TMEM140: variants seen among roughly 807,000 people sequenced by gnomAD.
TMEM140 encodes the protein transmembrane protein 140.
For missense variants in TMEM140, 236 were observed against 228.5 expected (o/e 1.03, Z -0.21); for synonymous variants, 107 against 106.8 (o/e 1.00, Z -0.01).
Position 135,164,418 on chromosome 7 carries a change from G to A in TMEM140, c.-24G>A. On this transcript the variant is annotated splice_region_variant and 5_prime_UTR_variant, in exon 2 of 2. Coordinates refer to ENST00000275767, the MANE Select transcript of TMEM140 (RefSeq NM_018295.5). ...ACTGACTGCTGTGACTTCCCCGCAG[G>A]TCCCCCGGCAGAGGGCAGTAGAGAT... 1 of 1,583,758 alleles carries A rather than the reference G, an allele frequency of 6.3e-7. No individual in the cohort carries two copies. The highest frequency in any genetic ancestry group is 8.6e-7 in the Non-Finnish European group (1 of 1,156,312).
intron 1 of TMEM140, among the ~76,000 whole-genome samples, chr7:135,150,234 C>A (rs1214338297): frequency 6.6e-6 from 1 of 152,138 alleles, no homozygotes; most frequent in Admixed American, 6.5e-5. Flanking sequence ...AATGAAGAAC[C>A]CTTTCAGGAC....
chr7:135,150,882 T>G (rs964418584), intron 1 of TMEM140, among the ~76,000 whole-genome samples: 12 of 152,206 alleles, frequency 7.9e-5, no homozygotes, highest in African/African-American at 2.9e-4. Context: ...AGATGGCTCA[T>G]TTGTAGACAT....
At position 135,150,740 on chromosome 7, in the gene TMEM140, C is replaced by T. The variant is rs145093654; in HGVS notation, c.-25+2470C>T. Among the ~76,000 whole-genome samples the T allele has an allele frequency of 2.3e-3, 352 of 152,242 alleles. 2 individuals carry two copies. The highest frequency in any genetic ancestry group is 7.7e-3 in the African/African-American group (321 of 41,552). ...CAGAAACCAAATGAGATTAGCTGGA[C>T]GTGGTGGCAGGAGGCTGAGGCAGGT... On this transcript the variant is annotated intron_variant, in intron 1 of 1. Transcript: ENST00000275767.
chr7:135,160,870 G>C (rs2117460035), intron 1 of TMEM140, among the ~76,000 whole-genome samples: 1 of 152,324 alleles, frequency 6.6e-6, no homozygotes, highest in African/African-American at 2.4e-5. Flanking sequence ...GGCTGAAGGA[G>C]CCCAGGAATG....
Position 135,164,788 on chromosome 7 carries a change from C to T in TMEM140, c.347C>T (p.Ala116Val). ...CNSDERAWRL[A>V]VGFLAVSSVL... ...AGTGATGAGAGAGCGTGGCGGCTGG[C>T]AGTGGGCTTCCTGGCTGTGTCCTCT... Residue 116 changes from alanine to valine, a missense_variant, in exon 2 of 2, where the codon GCA (alanine) becomes GTA (valine). Coordinates refer to ENST00000275767, the MANE Select transcript of TMEM140 (RefSeq NM_018295.5). 6.2e-7 allele frequency: 1 copy of T among 1,614,210 alleles called. No homozygotes were observed. Among genetic ancestry groups the T allele is most frequent in the Non-Finnish European group, 8.5e-7 (1 of 1,180,008 alleles).
chr7:135,151,047 CT>C lies in TMEM140; in HGVS notation c.-25+2779del, dbSNP rs1829655072. On this transcript the variant is annotated intron_variant, in intron 1 of 1. Transcript: ENST00000275767. This position sits in a 1 kb window ranked among gnomAD's most constrained non-coding sequence, Gnocchi z 4.3. ...ACCATTTAAACAGCTATCTCAATGG[CT>C]TGTCATCTGGGTGCCTGGACTCATG... Among the ~76,000 whole-genome samples the C allele has an allele frequency of 6.6e-6, 1 of 152,208 alleles. No individual in the cohort carries two copies. The highest frequency in any genetic ancestry group is 1.5e-5 in the Non-Finnish European group (1 of 68,044).
At chr7:135,162,383 GCT>G (rs1006316102) in intron 1 of TMEM140, among the ~76,000 whole-genome samples, 6 of 152,214 alleles carry the variant, frequency 3.9e-5, no homozygotes, top group Non-Finnish European at 8.8e-5. Flanking sequence ...AAAGCTTGAA[GCT>G]CTGTGTTCCT....
intron 1 of TMEM140, among the ~76,000 whole-genome samples, chr7:135,152,287 C>T (rs1389418952): frequency 6.6e-6 from 1 of 152,240 alleles, no homozygotes; most frequent in Non-Finnish European, 1.5e-5. Flanking sequence ...ACACTGTCTT[C>T]ACTACGTCAA....
chr7:135,158,487 C>T (rs990731953), intron 1 of TMEM140, among the ~76,000 whole-genome samples: 5 of 152,066 alleles, frequency 3.3e-5, no homozygotes, highest in Non-Finnish European at 7.4e-5. Context: ...AGGATGGCCA[C>T]ATCTCGGTCT....
rs557751178 is a variant in TMEM140 at position 135,164,590 on chromosome 7, A to T, written c.149A>T (p.Tyr50Phe). The change falls in exon 2 of 2, where the codon TAT (tyrosine) becomes TTT (phenylalanine). Residue 50 changes from tyrosine to phenylalanine, a missense_variant. Physicochemically the swap from Tyr to Phe is conservative, Grantham distance 22. Coordinates refer to ENST00000275767, the MANE Select transcript of TMEM140 (RefSeq NM_018295.5). ...CTGCCCAACCTGAGAATCGGCTTCT[A>T]TAACTTCTGCCTGTGGAATGAGGAC... ...TDLPNLRIGF[Y>F]NFCLWNEDTS... is the part of the protein sequence containing the mutation. The T allele has an allele frequency of 6.2e-7, 1 of 1,614,090 alleles. No individual in the cohort carries two copies. The highest frequency in any genetic ancestry group is 8.5e-7 in the Non-Finnish European group (1 of 1,180,030).
chr7:135,155,397 CTCTT>C (rs376612819), intron 1 of TMEM140, among the ~76,000 whole-genome samples: 37 of 152,298 alleles, frequency 2.4e-4, no homozygotes, highest in Admixed American at 5.9e-4. Context: ...GTTTTATAGA[CTCTT>C]TGTCTTTGCC....
intron 1 of TMEM140, among the ~76,000 whole-genome samples, chr7:135,152,531 T>C (rs771131912): frequency 2.6e-5 from 4 of 152,262 alleles, no homozygotes; most frequent in African/African-American, 4.8e-5. Context: ...CCCTACATGG[T>C]TGTAAGAAAT....
chr7:135,150,268 G>A (rs1310731983), intron 1 of TMEM140, among the ~76,000 whole-genome samples: 1 of 152,202 alleles, frequency 6.6e-6, no homozygotes, highest in Non-Finnish European at 1.5e-5. Context: ...CTCTTCTGAA[G>A]AGAGGCTTTC....
intron 1 of TMEM140, among the ~76,000 whole-genome samples, chr7:135,150,590 G>A (rs1333535369): frequency 6.6e-6 from 1 of 152,130 alleles, no homozygotes; most frequent in Non-Finnish European, 1.5e-5. Context: ...GGAAGAGAGG[G>A]CTGGTGCGGG....
intron 1 of TMEM140, among the ~76,000 whole-genome samples, chr7:135,158,676 A>T (rs186632237): frequency 2.3e-4 from 34 of 150,302 alleles, no homozygotes; most frequent in African/African-American, 7.6e-4. Context: ...GGGATCAGAG[A>T]GTGTCCCTCC....
chr7:135,162,285 C>G (rs997672455), intron 1 of TMEM140, among the ~76,000 whole-genome samples: 2 of 152,196 alleles, frequency 1.3e-5, no homozygotes, highest in African/African-American at 4.8e-5. Context: ...GGCCACGACT[C>G]ATTTTGCTGC....
Position 135,165,081 on chromosome 7 carries a change from C to T in TMEM140, c.*82C>T, listed in dbSNP as rs1332824995. The stretch of plus-strand genomic sequence containing the variant: ...CTCAGCCATCTCATTTTACAGCTAA[C>T]GCTGATCTCCAGCTCCAGCGATGGA... On this transcript the variant is annotated 3_prime_UTR_variant, in exon 2 of 2. Coordinates refer to ENST00000275767, the MANE Select transcript of TMEM140 (RefSeq NM_018295.5). The T allele has an allele frequency of 2.1e-5, 31 of 1,460,188 alleles. No homozygotes were observed. The highest frequency in any genetic ancestry group is 2.7e-5 in the Non-Finnish European group (29 of 1,087,400). 90.5% of individuals were successfully genotyped at this position (1,460,188 alleles called of 1,614,324 possible).
intron 1 of TMEM140, among the ~76,000 whole-genome samples, chr7:135,148,989 T>C (rs1446176709): frequency 1.3e-5 from 2 of 152,200 alleles, no homozygotes; most frequent in Non-Finnish European, 2.9e-5. Context: ...ACATATTTCC[T>C]TCTTCCCTCA....
chr7:135,153,903 AG>A (rs1829724156), intron 1 of TMEM140, among the ~76,000 whole-genome samples: 1 of 152,176 alleles, frequency 6.6e-6, no homozygotes, highest in South Asian at 2.1e-4. Flanking sequence ...TAATAGTTTC[AG>A]GATTATTGGT....
Sources: allele counts gnomAD v4.1 joint callset (sites outside exome capture counted in the v4.1 genomes callset), GRCh38; gene constraint gnomAD v4.1.1; non-coding constraint Gnocchi (gnomAD v3.1); transcripts MANE v1.5; gene names NCBI Gene and HGNC (gene_info 2026-07-23, HGNC 2026-07-21).